Variants in FNTB observed in about 807,000 individuals in gnomAD.
The protein encoded by FNTB is protein farnesyltransferase subunit beta.
Under a neutral mutation model 59.4 loss-of-function variants are expected in FNTB, and 27 were observed. The ratio of observed to expected loss-of-function variants is 0.45; its 90% confidence interval spans 0.34 to 0.63. The LOEUF is 0.63. Ranked by LOEUF, FNTB falls within the 20% of genes least tolerant of loss-of-function variation. The pLI, the probability that FNTB is intolerant of heterozygous loss-of-function variation, is 0.02. For missense variants in FNTB, 449 were observed against 559.6 expected, an observed-to-expected ratio of 0.80 and a Z score of 1.99; for synonymous variants, 230 against 220.7, an observed-to-expected ratio of 1.04 and a Z score of -0.37.
chr14:65,017,656 A>G (rs1012392881), intron 4 of FNTB, among the ~76,000 whole-genome samples: 2 of 152,164 alleles, frequency 1.3e-5, no homozygotes. Context: ...TTTAAAAAAA[A>G]TTTTTTTTAA....
intron 1 of FNTB, among the ~76,000 whole-genome samples, chr14:64,996,645 C>A (rs527529610): frequency 1.2e-4 from 18 of 151,636 alleles, no homozygotes; most frequent in Non-Finnish European, 2.4e-4. Context: ...TGAGGTATCA[C>A]AAAACTAAGC....
intron 1 of FNTB, among the ~76,000 whole-genome samples, chr14:64,988,482 T>A (rs944716668): frequency 1.4e-5 from 2 of 146,128 alleles, no homozygotes; most frequent in African/African-American, 5.1e-5. Flanking sequence ...GGTCTCGCCC[T>A]GTTGCCAGGC....
chr14:65,021,479 A>G (rs546146351), intron 4 of FNTB, among the ~76,000 whole-genome samples: 248 of 152,162 alleles, frequency 1.6e-3, no homozygotes, highest in African/African-American at 5.6e-3. Flanking sequence ...TTCAGTGAGG[A>G]CACCATATCT....
In FNTB at chr14:65,011,233, G is replaced by A. The variant is rs540529007; in HGVS notation, c.210-1084G>A. Among the ~76,000 whole-genome samples, 1 of 152,248 alleles carries A rather than the reference G, an allele frequency of 6.6e-6. No individual in the cohort carries two copies. The highest frequency in any genetic ancestry group is 2.4e-5 in the African/African-American group (1 of 41,538). On this transcript the variant is annotated intron_variant, in intron 2 of 11. Transcript: ENST00000246166. This position sits in a 1 kb window ranked among gnomAD's most constrained non-coding sequence, Gnocchi z 4.0. ...ACCTGAGGTCAGGAGTTCAAGACCA[G>A]CCTGGGCAACATGGTGAAACCCCCG...
intron 7 of FNTB, among the ~76,000 whole-genome samples, chr14:65,034,571 T>C (rs1045470038): frequency 3.3e-5 from 5 of 152,358 alleles, no homozygotes; most frequent in South Asian, 2.1e-4. Flanking sequence ...CCAGAGTTCA[T>C]TGAGGACTGT....
chr14:65,032,477 A>G lies in FNTB; in HGVS notation c.606-133A>G. Reference sequence around the variant, plus strand: ...CTCAGTTGGAGACCCAGGAGGACTGACCGTGTGCCAAGAGTGAGGACAGGA... The same window carrying G: ...CTCAGTTGGAGACCCAGGAGGACTGGCCGTGTGCCAAGAGTGAGGACAGGA... On this transcript the variant is annotated intron_variant, in intron 6 of 11. Coordinates refer to ENST00000246166, the MANE Select transcript of FNTB (RefSeq NM_002028.4). This position sits in a 1 kb window ranked among gnomAD's most constrained non-coding sequence, Gnocchi z 5.0. 1 of 848,258 alleles carries G rather than the reference A, an allele frequency of 1.2e-6. No individual in the cohort carries two copies. The highest frequency in any genetic ancestry group is 1.9e-5 in the South Asian group (1 of 51,506). The allele number at this position is 848,258 out of a possible 1,614,324, so 52.5% of individuals were successfully genotyped here.
chr14:65,006,224 T>C (rs756812074), intron 2 of FNTB: 10 of 1,612,408 alleles, frequency 6.2e-6, no homozygotes, highest in East Asian at 2.2e-5. Context: ...CAGAAAACAG[T>C]TGGAAAAGGC....
At position 64,986,926 on chromosome 14, in the gene FNTB, C is replaced by G. The variant is rs577107021; in HGVS notation, c.-28C>G. The G allele has an allele frequency of 2.5e-6, 4 of 1,613,724 alleles. No homozygotes were observed. Among genetic ancestry groups the G allele is most frequent in the South Asian group, 1.1e-5 (1 of 91,082 alleles). ...CGTTGTTGCTTAACGAAGCAGAGTC[C>G]TACACACTGTCTGCTGCTCTCCTGA... On this transcript the variant is annotated 5_prime_UTR_variant, in exon 1 of 12. Transcript: ENST00000246166.
rs1361373640 is a variant in FNTB, at chr14:65,055,643, A to G, written c.1182+954A>G. Among the ~76,000 whole-genome samples the G allele has an allele frequency of 3.3e-5, 5 of 151,834 alleles. No homozygotes were observed. The East Asian group carries it at 5.8e-4, about 18-fold the overall frequency. The stretch of plus-strand genomic sequence containing the variant: ...GCAATTCTCGTGCCTCAGCCTCCTG[A>G]GTAGCTGGGATTACAGGCATGCACC... On this transcript the variant is annotated intron_variant, in intron 11 of 11. Transcript: ENST00000246166.
In FNTB at chr14:65,043,828, C is replaced by CAAAA. The variant is rs749243788; in HGVS notation, c.823-454_823-451dup. On this transcript the variant is annotated intron_variant, in intron 8 of 11. Coordinates refer to ENST00000246166, the MANE Select transcript of FNTB (RefSeq NM_002028.4). ...TGGGCGACAGAGCGAGACTCCGTCT[C>CAAAA]AAAAAAAAAAAAAAAAAAAAAAAAA... Among the ~76,000 whole-genome samples the CAAAA allele has an allele frequency of 5.3e-3, 340 of 64,262 alleles. 9 individuals carry two copies. Among genetic ancestry groups the CAAAA allele is most frequent in the African/African-American group, 6.8e-3 (119 of 17,462 alleles). 42.2% of individuals were successfully genotyped at this position (64,262 alleles called of 152,430 possible).
Position 65,001,409 on chromosome 14 carries a change from C to G in FNTB, c.145-2840C>G, listed in dbSNP as rs1888595069. 6.6e-6 allele frequency among the ~76,000 whole-genome samples: 1 copy of G among 152,188 alleles called. No individual in the cohort carries two copies. The highest frequency in any genetic ancestry group is 2.4e-5 in the African/African-American group (1 of 41,438). On this transcript the variant is annotated intron_variant, in intron 1 of 11. Coordinates refer to ENST00000246166, the MANE Select transcript of FNTB (RefSeq NM_002028.4). The surrounding 1 kb of genome is among the most constrained non-coding windows in gnomAD (Gnocchi z 5.5). ...CCCAGGAGCAGTAGGCCACACTATA[C>G]AGCCTATGCGTGTGGTAGGCTATAC...
In FNTB at chr14:64,991,009, G is replaced by A. The variant is rs1888179745; in HGVS notation, c.144+3912G>A. Among the ~76,000 whole-genome samples the A allele has an allele frequency of 6.6e-6, 1 of 152,144 alleles. No homozygotes were observed. The highest frequency in any genetic ancestry group is 2.4e-5 in the African/African-American group (1 of 41,418). ...ATTGTTAGTGCCTGCCTTCCTTATT[G>A]TGCCATCTGGAATCATCCCATTGCA... On this transcript the variant is annotated intron_variant, in intron 1 of 11. Transcript: ENST00000246166. This position sits in a 1 kb window ranked among gnomAD's most constrained non-coding sequence, Gnocchi z 4.4.
At position 65,022,356 on chromosome 14, in the gene FNTB, AGTCT is replaced by A. The variant is rs375343819; in HGVS notation, c.375-5092_375-5089del. Among the ~76,000 whole-genome samples, 104 of 151,854 alleles carry A rather than the reference AGTCT, an allele frequency of 6.8e-4. 1 individual carries two copies. The South Asian group carries it at 0.021, about 30-fold the overall frequency. Reference sequence around the variant, plus strand: ...TTTTTATAACTTATCCTAGGCCTTAAGTCTGTCTATGATAGCCTAGTCTAGTGCT... The same window carrying A: ...TTTTTATAACTTATCCTAGGCCTTAAGTCTATGATAGCCTAGTCTAGTGCT... On this transcript the variant is annotated intron_variant, in intron 4 of 11. Transcript: ENST00000246166.
chr14:64,995,015 G>C (rs1888340866), intron 1 of FNTB, among the ~76,000 whole-genome samples: 1 of 152,084 alleles, frequency 6.6e-6, no homozygotes, highest in Admixed American at 6.6e-5. Flanking sequence ...AATATTTTCT[G>C]TATATTTTTA....
At chr14:65,018,154 C>T (rs951600753) in intron 4 of FNTB, among the ~76,000 whole-genome samples, 4 of 151,762 alleles carry the variant, frequency 2.6e-5, no homozygotes, top group African/African-American at 7.3e-5. Flanking sequence ...CCAGTCTGGG[C>T]GACATAGTGA....
chr14:65,059,837 C>CTT (rs34459085), intron 11 of FNTB, among the ~76,000 whole-genome samples: 15,001 of 134,134 alleles, frequency 0.11, 1,215 homozygotes, highest in African/African-American at 0.21. Flanking sequence ...GTCCTTTTTT[C>CTT]TTTTTTTTTT....
chr14:64,987,198 G>A, intron 1 of FNTB, 101 bp downstream of exon 1: 1 of 1,371,296 alleles, frequency 7.3e-7, no homozygotes, highest in East Asian at 2.4e-5. Flanking sequence ...GGGGAACTAC[G>A]ACTCCCACAG....
At chr14:64,989,784 T>G (rs1888117584) in intron 1 of FNTB, among the ~76,000 whole-genome samples, 1 of 152,210 alleles carries the variant, frequency 6.6e-6, no homozygotes, top group Non-Finnish European at 1.5e-5. Flanking sequence ...GAGGCCAAGT[T>G]GATGCCTTTA....
At chr14:65,037,953 CG>C (rs899823422) in intron 7 of FNTB, among the ~76,000 whole-genome samples, 5 of 151,130 alleles carry the variant, frequency 3.3e-5, no homozygotes, top group Non-Finnish European at 7.4e-5. Context: ...CTAATTTTTA[CG>C]GGGTTTCGCC....
Sources: gnomAD v4.1 joint callset for allele counts (sites outside exome capture counted in the v4.1 genomes callset) on GRCh38, gnomAD v4.1.1 for gene constraint, Gnocchi (gnomAD v3.1) non-coding constraint, MANE v1.5 for transcripts, NCBI Gene and HGNC (gene_info 2026-07-23, HGNC 2026-07-21) for gene names.